The following PDE1C variants were observed in gnomAD, a reference collection of about 807,000 sequenced individuals.
PDE1C encodes the protein phosphodiesterase 1C.
In PDE1C, 62 loss-of-function variants were observed where a neutral mutation model predicts 93.1. That is an observed-to-expected ratio of 0.67 (90% CI 0.54 to 0.82). The LOEUF is 0.82. Ranked by LOEUF, PDE1C falls within the 40% of genes least tolerant of loss-of-function variation. PDE1C has a pLI of 0.00. For synonymous variants in PDE1C, 325 were observed against 310.1 expected (o/e 1.05, Z -0.50); for missense variants, 742 against 884.6 (o/e 0.84, Z 2.04).
the PDE1C span, among the ~76,000 whole-genome samples, chr7:31,663,161 C>A: frequency 6.6e-5 from 10 of 152,172 alleles, no homozygotes; most frequent in African/African-American, 1.9e-4. Context: ...GCTCCTTTTC[C>A]TGGCTCTGGC....
the PDE1C span, among the ~76,000 whole-genome samples, chr7:31,616,794 T>C: frequency 6.6e-6 from 1 of 152,048 alleles, no homozygotes; most frequent in African/African-American, 2.4e-5. Flanking sequence ...CTAAATTTCA[T>C]TTTTTGGTAG....
At chr7:32,421,585 T>C (rs7804998) in intron 1 of PDE1C, among the ~76,000 whole-genome samples, 22,829 of 152,190 alleles carry the variant, frequency 0.15, 1,800 homozygotes, top group African/African-American at 0.18. Context: ...TGGGAGCCAA[T>C]GATCGAGATT....
chr7:31,798,059 C>T (rs976626512), intron 16 of PDE1C, among the ~76,000 whole-genome samples: 4 of 151,694 alleles, frequency 2.6e-5, no homozygotes, highest in Non-Finnish European at 4.4e-5. Context: ...CAACTAAGTC[C>T]CCTTACATGT....
intron 2 of PDE1C, among the ~76,000 whole-genome samples, chr7:32,174,150 T>C (rs1390802479): frequency 6.6e-6 from 1 of 152,204 alleles, no homozygotes; most frequent in Non-Finnish European, 1.5e-5. Flanking sequence ...GGTCTGGTTC[T>C]GGGAAGAAGA....
chr7:32,375,902 T>C (rs1279954550), intron 1 of PDE1C, among the ~76,000 whole-genome samples: 3 of 152,186 alleles, frequency 2.0e-5, no homozygotes, highest in Non-Finnish European at 4.4e-5. Flanking sequence ...CAACCTGTAA[T>C]TCCAACAGTT....
At chr7:31,616,924 G>T in the PDE1C span, among the ~76,000 whole-genome samples, 4 of 152,044 alleles carry the variant, frequency 2.6e-5, no homozygotes, top group African/African-American at 9.7e-5. Flanking sequence ...TGTGGGAATG[G>T]TATGGTTGTC....
intron 2 of PDE1C, among the ~76,000 whole-genome samples, chr7:31,929,413 G>A (rs899775775): frequency 6.6e-6 from 1 of 152,110 alleles, no homozygotes; most frequent in African/African-American, 2.4e-5. Flanking sequence ...TTCAGGACTT[G>A]AACTCAGCTC....
At chr7:31,695,829 A>AT in the PDE1C span, 17 of 394,936 alleles carry the variant, frequency 4.3e-5, no homozygotes, top group South Asian at 8.6e-5. Context: ...ATAAAAGTTT[A>AT]TTTTTTTTAC....
At chr7:31,619,273 C>G in the PDE1C span, among the ~76,000 whole-genome samples, 1 of 150,476 alleles carries the variant, frequency 6.6e-6, no homozygotes, top group Non-Finnish European at 1.5e-5. Context: ...TGGGTAAACT[C>G]TCATAATTTA....
At chr7:32,365,017 C>T (rs1784204500) in intron 1 of PDE1C, among the ~76,000 whole-genome samples, 1 of 152,240 alleles carries the variant, frequency 6.6e-6, no homozygotes, top group Non-Finnish European at 1.5e-5. Context: ...AGCCTCTGAG[C>T]AGCTGACATG....
chr7:32,145,505 A>G (rs1800783969), intron 3 of PDE1C, among the ~76,000 whole-genome samples: 1 of 152,152 alleles, frequency 6.6e-6, no homozygotes, highest in Non-Finnish European at 1.5e-5. Context: ...CTCAGGTTCA[A>G]ATGAGTGTTT....
chr7:32,322,593 G>A (rs187931251), intron 1 of PDE1C, among the ~76,000 whole-genome samples: 1 of 150,726 alleles, frequency 6.6e-6, no homozygotes, highest in East Asian at 2.0e-4. Flanking sequence ...GACAGAGCAA[G>A]ATCCCATCTC....
At chr7:32,103,406 C>T (rs191368070) in intron 3 of PDE1C, among the ~76,000 whole-genome samples, 1 of 152,286 alleles carries the variant, frequency 6.6e-6, no homozygotes, top group African/African-American at 2.4e-5. Context: ...GGACAGAGGT[C>T]TTAGCCTGCA....
chr7:32,114,290 C>T (rs1798859900), intron 3 of PDE1C, among the ~76,000 whole-genome samples: 1 of 152,126 alleles, frequency 6.6e-6, no homozygotes, highest in African/African-American at 2.4e-5. Context: ...ACCAACGGAA[C>T]AGAACAGAGG....
the PDE1C span, among the ~76,000 whole-genome samples, chr7:31,651,694 T>C: frequency 7.2e-5 from 11 of 152,124 alleles, no homozygotes; most frequent in African/African-American, 2.7e-4. Context: ...GATTACACAA[T>C]TTGGTAAATT....
chr7:31,891,285 C>T (rs576900207), intron 2 of PDE1C, among the ~76,000 whole-genome samples: 3 of 152,226 alleles, frequency 2.0e-5, no homozygotes, highest in African/African-American at 7.2e-5. Flanking sequence ...AGCTGGAAAA[C>T]ACAGTCCTGT....
chr7:32,296,669 G>A (rs538504045), intron 1 of PDE1C, among the ~76,000 whole-genome samples: 2 of 152,288 alleles, frequency 1.3e-5, no homozygotes, highest in East Asian at 3.9e-4. Flanking sequence ...ACCACACTAT[G>A]ATCCTGGATT....
intron 3 of PDE1C, among the ~76,000 whole-genome samples, chr7:32,095,196 T>C (rs548245120): frequency 2.6e-5 from 4 of 152,302 alleles, no homozygotes; most frequent in Admixed American, 2.6e-4. Flanking sequence ...GCCTTGCTTC[T>C]CAAAAACAAT....
At chr7:31,849,012 A>T (rs974685281) in intron 8 of PDE1C, among the ~76,000 whole-genome samples, 4 of 152,212 alleles carry the variant, frequency 2.6e-5, no homozygotes, top group African/African-American at 7.2e-5. Context: ...GCTTTGGATA[A>T]AGTTCTGTTG....
Sources: allele counts gnomAD v4.1 joint callset (sites outside exome capture counted in the v4.1 genomes callset), GRCh38; gene constraint gnomAD v4.1.1; transcripts MANE v1.5; gene names NCBI Gene and HGNC (gene_info 2026-07-23, HGNC 2026-07-21).